Variants in SV2C observed in about 807,000 individuals in gnomAD.
SV2C encodes the protein solute carrier family 22 member B3.
SV2C carries 49 observed loss-of-function variants against 79.7 expected under a neutral mutation model. The observed-to-expected ratio is 0.61, with a 90% CI of 0.49 to 0.78. The LOEUF (loss-of-function observed/expected upper bound fraction) is 0.78. SV2C is among the 30% of genes least tolerant of loss of function. The probability of loss-of-function intolerance (pLI) is 0.00; values close to 1 mark genes in which losing one functional copy is unlikely to be tolerated. For missense variants in SV2C, 833 were observed against 912.9 expected (o/e 0.91, Z 1.13); for synonymous variants, 334 against 333.2 (o/e 1.00, Z -0.03).
rs1263939472 is a variant in SV2C at position 76,241,986 on chromosome 5, G to A, written c.913+32099G>A. On this transcript the variant is annotated intron_variant, in intron 4 of 12. Coordinates refer to ENST00000502798, the MANE Select transcript of SV2C (RefSeq NM_014979.4). ...AAAAAATAGTATTTCAAACTGTACA[G>A]TCACCAGAAGTACACAGTTATCAAA... The A allele has an allele frequency of 6.8e-6, 7 of 1,024,292 alleles. No individual in the cohort carries two copies. In the East Asian group the frequency reaches 9.5e-5, roughly 14 times the overall value. 63.5% of individuals were successfully genotyped at this position (1,024,292 alleles called of 1,614,324 possible). A position where few individuals can be genotyped will look rare whatever the true frequency, so the allele number is the denominator to read the frequency against.
the SV2C span, among the ~76,000 whole-genome samples, chr5:76,001,278 C>T: frequency 1.3e-5 from 2 of 152,060 alleles, no homozygotes; most frequent in Admixed American, 1.3e-4. Context: ...AATAATTTTG[C>T]ATACAGAATT....
At chr5:76,071,724 T>C in the SV2C span, among the ~76,000 whole-genome samples, 1 of 152,188 alleles carries the variant, frequency 6.6e-6, no homozygotes, top group South Asian at 2.1e-4. Flanking sequence ...AGCTAGATCA[T>C]GTAGGGAAAT....
the SV2C span, among the ~76,000 whole-genome samples, chr5:75,949,608 G>A: frequency 1.3e-5 from 2 of 151,970 alleles, no homozygotes; most frequent in Non-Finnish European, 1.5e-5. Context: ...TGGTGAATAT[G>A]TCTCACCAGA....
chr5:76,198,329 C>T (rs1356902086), intron 3 of SV2C, among the ~76,000 whole-genome samples: 3 of 152,020 alleles, frequency 2.0e-5, no homozygotes, highest in Non-Finnish European at 4.4e-5. Context: ...AGTTATTGCT[C>T]TATTAGTTCT....
the SV2C span, among the ~76,000 whole-genome samples, chr5:76,016,015 A>G: frequency 6.6e-6 from 1 of 151,888 alleles, no homozygotes; most frequent in African/African-American, 2.4e-5. Flanking sequence ...TTCTTTATAT[A>G]CCTGAAAAAG....
the SV2C span, among the ~76,000 whole-genome samples, chr5:75,970,278 G>A: frequency 4.0e-4 from 61 of 152,110 alleles, 2 homozygotes; most frequent in African/African-American, 1.4e-3. Context: ...AGAAGCAAGA[G>A]CAAACACATT....
the SV2C span, among the ~76,000 whole-genome samples, chr5:76,041,321 T>C: frequency 6.6e-6 from 1 of 152,206 alleles, no homozygotes; most frequent in Non-Finnish European, 1.5e-5. Context: ...CTTCTCACCT[T>C]TGGCTTTAGC....
intron 2 of SV2C, among the ~76,000 whole-genome samples, chr5:76,149,786 A>G (rs1749546057): frequency 6.6e-6 from 1 of 151,938 alleles, no homozygotes; most frequent in Admixed American, 6.5e-5. Context: ...CAGTGGGGGG[A>G]CATCTGTCCC....
the SV2C span, among the ~76,000 whole-genome samples, chr5:75,889,871 C>T: frequency 4.4e-4 from 67 of 152,098 alleles, no homozygotes; most frequent in African/African-American, 1.5e-3. Context: ...GTACTGTAAG[C>T]GGTTTGGATT....
the SV2C span, among the ~76,000 whole-genome samples, chr5:75,898,683 G>A: frequency 6.6e-6 from 1 of 152,150 alleles, no homozygotes; most frequent in Non-Finnish European, 1.5e-5. Flanking sequence ...ATTTGGCTGT[G>A]AATCCATCTG....
At chr5:75,882,526 A>G in the SV2C span, among the ~76,000 whole-genome samples, 16,820 of 152,176 alleles carry the variant, frequency 0.11, 997 homozygotes, top group East Asian at 0.16. Flanking sequence ...TAACCAAAAC[A>G]GCATGGTACT....
chr5:76,173,400 C>T (rs1420312773), intron 2 of SV2C, among the ~76,000 whole-genome samples: 1 of 152,108 alleles, frequency 6.6e-6, no homozygotes, highest in Non-Finnish European at 1.5e-5. Flanking sequence ...CTGGTTTTAC[C>T]AGCTGCATAC....
chr5:76,261,453 G>A (rs1042940466), intron 4 of SV2C, among the ~76,000 whole-genome samples: 2 of 152,090 alleles, frequency 1.3e-5, no homozygotes, highest in Admixed American at 6.6e-5. Context: ...TTGCCCGATT[G>A]TTCTGGCCAG....
the SV2C span, among the ~76,000 whole-genome samples, chr5:75,998,025 G>C: frequency 1.3e-5 from 2 of 152,082 alleles, no homozygotes; most frequent in Non-Finnish European, 2.9e-5. Context: ...AAAAGGATGA[G>C]TTCATGTCCT....
chr5:76,298,369 G>A (rs1747846609), intron 9 of SV2C, among the ~76,000 whole-genome samples: 1 of 152,106 alleles, frequency 6.6e-6, no homozygotes, highest in South Asian at 2.1e-4. Context: ...GTTATTAAAA[G>A]ATCGGGTAGG....
At chr5:76,336,748 T>C (rs1749338079), downstream of SV2C, among the ~76,000 whole-genome samples, 2 of 152,118 alleles carry the variant, frequency 1.3e-5, no homozygotes, top group Admixed American at 1.3e-4. Flanking sequence ...CAAAAACCAG[T>C]CAGGCGTGGC....
intron 1 of SV2C, among the ~76,000 whole-genome samples, chr5:76,115,003 T>C (rs1346190860): frequency 1.3e-5 from 2 of 152,350 alleles, no homozygotes; most frequent in South Asian, 4.1e-4. Flanking sequence ...CCCATTTTAA[T>C]GTCACAAAGC....
chr5:76,349,646 A>T lies in SV2C; in HGVS notation c.2001-3484A>T, dbSNP rs558901969. Among the ~76,000 whole-genome samples, 3 of 152,236 alleles carry T rather than the reference A, an allele frequency of 2.0e-5. No individual in the cohort carries two copies. The South Asian group carries it at 6.2e-4, about 32-fold the overall frequency. ...TTTGGCTCTCCACAAGAACACATGGAAAGAGATGGATTTTTAGCCTTCATT... is the reference window on the plus strand; with the variant it reads ...TTTGGCTCTCCACAAGAACACATGGTAAGAGATGGATTTTTAGCCTTCATT... On this transcript the variant is annotated intron_variant, in intron 12 of 12. Coordinates refer to the SV2C transcript ENST00000322285.
the SV2C span, among the ~76,000 whole-genome samples, chr5:75,868,680 T>C: frequency 1.3e-5 from 2 of 152,148 alleles, no homozygotes; most frequent in Admixed American, 6.5e-5. Flanking sequence ...TGGTGACATA[T>C]AATGCTGAGG....
Sources: gnomAD v4.1 joint callset for allele counts (sites outside exome capture counted in the v4.1 genomes callset) on GRCh38, gnomAD v4.1.1 for gene constraint, MANE v1.5 for transcripts, NCBI Gene and HGNC (gene_info 2026-07-23, HGNC 2026-07-21) for gene names.